Variants in PATL2 observed in about 807,000 individuals in gnomAD.
PATL2 encodes the protein PAT1 homolog 2, also known as protein PAT1 homolog 2.
In PATL2, 73 loss-of-function variants were observed where a neutral mutation model predicts 77.0. The observed-to-expected ratio is 0.95, with a 90% CI of 0.78 to 1.15. PATL2 has a LOEUF of 1.15. PATL2 is among the 50% of genes most tolerant of loss of function. The pLI is 0.00. For missense variants in PATL2, 618 were observed against 655.4 expected, an observed-to-expected ratio of 0.94 and a Z score of 0.62; for synonymous variants, 265 against 257.1, an observed-to-expected ratio of 1.03 and a Z score of -0.29.
intron 3 of PATL2, among the ~76,000 whole-genome samples, chr15:44,682,284 G>A (rs2086150508): frequency 6.6e-6 from 1 of 152,186 alleles, no homozygotes; most frequent in African/African-American, 2.4e-5. Flanking sequence ...TCTCCTCCAG[G>A]AGGCCTTCTC....
rs564135908 is a variant in PATL2 at position 44,668,650 on chromosome 15, G to T, written c.1225-168C>A. ...CTCCATCCCCAACACTGACACCTTCGGTACCTACTTGTCCTAGGAATCCTT... is the reference window on the plus strand; with the variant it reads ...CTCCATCCCCAACACTGACACCTTCTGTACCTACTTGTCCTAGGAATCCTT... On this transcript the variant is annotated intron_variant, in intron 14 of 17. Transcript: ENST00000682850. Among the ~76,000 whole-genome samples the T allele has an allele frequency of 1.1e-4, 17 of 152,158 alleles. No homozygotes were observed. In the South Asian group the frequency reaches 3.5e-3, roughly 32 times the overall value.
At chr15:44,675,424 G>T in intron 5 of PATL2, 62 bp downstream of exon 5, 2 of 1,470,234 alleles carry the variant, frequency 1.4e-6, no homozygotes, top group Non-Finnish European at 9.1e-7. Context: ...AATGTTTAGT[G>T]ACAGCCTGTG....
At chr15:44,706,535 G>C (rs1279473360) in intron 3 of PATL2, among the ~76,000 whole-genome samples, 1 of 152,214 alleles carries the variant, frequency 6.6e-6, no homozygotes, top group Non-Finnish European at 1.5e-5. Flanking sequence ...TGGTGGTCTT[G>C]GATAAGATCT....
In PATL2 at chr15:44,677,297, G is replaced by C. The variant is rs190158172; in HGVS notation, c.-75-732C>G. On this transcript the variant is annotated intron_variant, in intron 3 of 17. Coordinates refer to ENST00000682850, the MANE Select transcript of PATL2 (RefSeq NM_001387263.1). ...CACATTCCTGGCGCTTCAGGGCAGC[G>C]TACTTGAAGCCCTCAAGTCCACCTG... is the stretch of plus-strand genomic sequence containing the variant. Among the ~76,000 whole-genome samples, 355 of 152,250 alleles carry C rather than the reference G, an allele frequency of 2.3e-3. 1 individual carries two copies. Among genetic ancestry groups the C allele is most frequent in the Non-Finnish European group, 3.7e-3 (253 of 68,026 alleles).
chr15:44,665,827 A>C lies in PATL2; in HGVS notation c.*126T>G. On this transcript the variant is annotated 3_prime_UTR_variant, in exon 18 of 18. Transcript: ENST00000682850. ...TGAAGAAAGGATATGAAAATGGGGA[A>C]GGGTTCTCCAATATATAAAGGCATA... 6 of 1,526,916 alleles carry C rather than the reference A, an allele frequency of 3.9e-6. No homozygotes were observed. The highest frequency in any genetic ancestry group is 5.3e-6 in the Non-Finnish European group (6 of 1,138,504). 94.6% of individuals were successfully genotyped at this position (1,526,916 alleles called of 1,614,324 possible). A position where few individuals can be genotyped will look rare whatever the true frequency, so the allele number is the denominator to read the frequency against.
chr15:44,698,412 T>C (rs999829396), intron 3 of PATL2, among the ~76,000 whole-genome samples: 2 of 152,134 alleles, frequency 1.3e-5, no homozygotes, highest in Non-Finnish European at 2.9e-5. Flanking sequence ...TCCCAGCCTC[T>C]GATAACCATT....
At chr15:44,682,773 T>TA (rs547391224) in intron 3 of PATL2, among the ~76,000 whole-genome samples, 13 of 152,082 alleles carry the variant, frequency 8.5e-5, no homozygotes, top group East Asian at 5.8e-4. Context: ...GATTTAAACA[T>TA]AAAAAAAATC....
intron 12 of PATL2, 24 bp downstream of exon 12, chr15:44,669,486 G>T (rs375677260): frequency 6.5e-7 from 1 of 1,550,192 alleles, no homozygotes; most frequent in Non-Finnish European, 8.7e-7. Context: ...TTTGGAACTC[G>T]TCCCTAAGGA....
At chr15:44,681,441 C>A (rs1566861091) in intron 3 of PATL2, among the ~76,000 whole-genome samples, 2 of 152,210 alleles carry the variant, frequency 1.3e-5, no homozygotes, top group Non-Finnish European at 2.9e-5. Flanking sequence ...AGCTTCCCAA[C>A]ACTTGTCTCC....
intron 4 of PATL2, 183 bp downstream of exon 4, chr15:44,676,292 T>C: frequency 1.6e-6 from 1 of 622,356 alleles, no homozygotes; most frequent in Non-Finnish European, 2.9e-6. Flanking sequence ...TTTTACTAGG[T>C]TGGTGAGAAA....
At chr15:44,704,989 T>C (rs1369813301) in intron 3 of PATL2, among the ~76,000 whole-genome samples, 4 of 152,222 alleles carry the variant, frequency 2.6e-5, no homozygotes, top group African/African-American at 9.6e-5. Context: ...CTTTCTGTAT[T>C]CTTGACCTTG....
At chr15:44,707,659 T>A (rs1417033647) in intron 3 of PATL2, among the ~76,000 whole-genome samples, 1 of 152,062 alleles carries the variant, frequency 6.6e-6, no homozygotes, top group Non-Finnish European at 1.5e-5. Context: ...AGGAAAGAAG[T>A]CTCTCTCTGA....
At chr15:44,682,981 T>C (rs1044373432) in intron 3 of PATL2, among the ~76,000 whole-genome samples, 1 of 152,066 alleles carries the variant, frequency 6.6e-6, no homozygotes, top group African/African-American at 2.4e-5. Flanking sequence ...ACCCGGGAAG[T>C]GCAAGGGGTT....
chr15:44,674,334 G>A, intron 5 of PATL2, 104 bp from the exon 6 acceptor site: 2 of 870,692 alleles, frequency 2.3e-6, no homozygotes, highest in Non-Finnish European at 3.5e-6. Flanking sequence ...AAGACCAGGT[G>A]TTCCAACATC....
intron 3 of PATL2, among the ~76,000 whole-genome samples, chr15:44,685,345 A>C (rs1208718509): frequency 1.3e-5 from 2 of 152,240 alleles, no homozygotes; most frequent in Non-Finnish European, 2.9e-5. Context: ...ACGGTGGCTC[A>C]CGCCTGTAAT....
Position 44,669,078 on chromosome 15 carries a change from G to C in PATL2, c.1126C>G (p.Arg376Gly), listed in dbSNP as rs1008427784. The change falls in exon 14 of 18, where the codon CGG (arginine) becomes GGG (glycine). Residue 376 changes from arginine to glycine, a missense_variant. Transcript: ENST00000682850. ...SVRKGKALVARLLPFLPQDQA... is the reference protein window; with the variant it reads ...SVRKGKALVAGLLPFLPQDQA... ...TCCTGGGGCAGGAAGGGGAGCAGCC[G>C]GGCCACCAGGGCCTTCCCCTTCCTC... 22 of 1,550,750 alleles carry C rather than the reference G, an allele frequency of 1.4e-5. No homozygotes were observed. Among genetic ancestry groups the C allele is most frequent in the Non-Finnish European group, 1.8e-5 (21 of 1,146,514 alleles).
chr15:44,675,762 C>T, intron 4 of PATL2, 71 bp from the exon 5 acceptor site: 3 of 1,310,660 alleles, frequency 2.3e-6, no homozygotes, highest in Non-Finnish European at 3.1e-6. Flanking sequence ...AGAGAGGCTG[C>T]TACTCAATAG....
At chr15:44,688,517 G>A (rs779800207) in intron 3 of PATL2, among the ~76,000 whole-genome samples, 2 of 151,930 alleles carry the variant, frequency 1.3e-5, no homozygotes, top group South Asian at 2.1e-4. Flanking sequence ...CAGATATATC[G>A]ACCAATGGAA....
intron 15 of PATL2, among the ~76,000 whole-genome samples, chr15:44,667,650 AT>A (rs1892570437): frequency 6.6e-6 from 1 of 152,198 alleles, no homozygotes; most frequent in African/African-American, 2.4e-5. Context: ...GTCTTTTATT[AT>A]ATACCTATTG....
Sources: gnomAD v4.1 joint callset for allele counts (sites outside exome capture counted in the v4.1 genomes callset) on GRCh38, gnomAD v4.1.1 for gene constraint, MANE v1.5 for transcripts, NCBI Gene and HGNC (gene_info 2026-07-23, HGNC 2026-07-21) for gene names.